The following DIAPH2 variants were observed in gnomAD, a reference collection of about 807,000 sequenced individuals.
The protein encoded by DIAPH2 is diaphanous related formin 2, also known as protein diaphanous homolog 2.
In DIAPH2, 35 loss-of-function variants were observed where a neutral mutation model predicts 92.7. The ratio of observed to expected loss-of-function variants is 0.38; its 90% CI spans 0.29 to 0.50. The LOEUF (loss-of-function observed/expected upper bound fraction) is 0.50. Ranked by LOEUF, DIAPH2 falls within the 20% of genes least tolerant of loss-of-function variation. DIAPH2 has a pLI of 0.94. For missense variants in DIAPH2, 701 were observed against 819.5 expected (o/e 0.86, Z 1.77); for synonymous variants, 301 against 280.4 (o/e 1.07, Z -0.73).
At chrX:97,594,481 C>T (rs921998870) in intron 26 of DIAPH2, among the ~76,000 whole-genome samples, 1 of 112,760 alleles carries the variant, frequency 8.9e-6, no homozygotes, top group Non-Finnish European at 1.9e-5. Context: ...ATCTTTCTCT[C>T]ATCAGTGCTT....
intron 26 of DIAPH2, among the ~76,000 whole-genome samples, chrX:97,432,959 A>G (rs1300040503): frequency 1.8e-5 from 2 of 112,011 alleles, no homozygotes; most frequent in Non-Finnish European, 3.8e-5. Context: ...TATGTAAACA[A>G]GATGAGGTGA....
At chrX:97,391,937 C>G (rs2069663702) in intron 25 of DIAPH2, among the ~76,000 whole-genome samples, 1 of 111,468 alleles carries the variant, frequency 9.0e-6, no homozygotes, top group African/African-American at 3.3e-5. Flanking sequence ...TAAAAAAATA[C>G]CATGTACCAA....
intron 17 of DIAPH2, among the ~76,000 whole-genome samples, chrX:97,021,756 A>C (rs1201836920): frequency 2.7e-5 from 3 of 112,033 alleles, no homozygotes; most frequent in Non-Finnish European, 3.8e-5. Flanking sequence ...ACATTTGATA[A>C]AGAAACACGC....
chrX:97,298,319 T>C (rs192475737), intron 23 of DIAPH2, among the ~76,000 whole-genome samples: 67 of 99,922 alleles, frequency 6.7e-4, no homozygotes, highest in African/African-American at 2.4e-3. Flanking sequence ...TAATGAGTAA[T>C]ATCAAGGAAC....
At chrX:97,364,131 G>A (rs767553785) in intron 24 of DIAPH2, among the ~76,000 whole-genome samples, 1 of 111,950 alleles carries the variant, frequency 8.9e-6, no homozygotes, top group East Asian at 2.8e-4. Context: ...AGCCTTTCTT[G>A]TACCTCTGAA....
At position 97,604,385 on chromosome X, in the gene DIAPH2, T is replaced by C. The variant is rs2071609589; in HGVS notation, c.*5068T>C. The C allele has an allele frequency of 8.9e-6, 1 of 112,050 alleles. No individual in the cohort carries two copies. The allele number at this position is 112,050 out of a possible 1,213,427, so 9.2% of individuals were successfully genotyped here. Reference sequence around the variant, plus strand: ...TCACAGGTTCCAGGGAGTAGGATATTGAATATCTTTTTTGGGGAGGGGGCA... The same window carrying C: ...TCACAGGTTCCAGGGAGTAGGATATCGAATATCTTTTTTGGGGAGGGGGCA... On this transcript the variant is annotated 3_prime_UTR_variant, in exon 27 of 27. Coordinates refer to ENST00000324765, the MANE Select transcript of DIAPH2 (RefSeq NM_006729.5).
At chrX:97,350,810 A>T (rs978618421) in intron 24 of DIAPH2, among the ~76,000 whole-genome samples, 1 of 112,180 alleles carries the variant, frequency 8.9e-6, no homozygotes, top group South Asian at 3.7e-4. Context: ...CATATGTAGG[A>T]TATGTTTTAT....
intron 17 of DIAPH2, among the ~76,000 whole-genome samples, chrX:97,032,546 A>G (rs965320226): frequency 1.2e-4 from 13 of 109,762 alleles, no homozygotes; most frequent in African/African-American, 4.3e-4. Flanking sequence ...AATAATAGCC[A>G]TTATCTGTAG....
At chrX:97,312,406 G>A (rs1264457125) in intron 23 of DIAPH2, among the ~76,000 whole-genome samples, 1 of 81,365 alleles carries the variant, frequency 1.2e-5, no homozygotes, top group East Asian at 4.2e-4. Context: ...CTGGAGTGCA[G>A]TGTCATGTTC....
At position 97,278,258 on chromosome X, in the gene DIAPH2, C is replaced by A. The variant is rs992735137; in HGVS notation, c.2844+30419C>A. The stretch of plus-strand genomic sequence containing the variant: ...ACAGAGTTCTTATATCCCTTCTCTA[C>A]CTTTCAGTTTCCCTATTATTAATAT... On this transcript the variant is annotated intron_variant, in intron 23 of 26. Transcript: ENST00000324765. Among the ~76,000 whole-genome samples the A allele has an allele frequency of 3.6e-5, 4 of 112,077 alleles. No homozygotes were observed. In the Admixed American group the frequency reaches 3.8e-4, roughly 11 times the overall value.
chrX:97,434,678 G>A (rs1388315406), intron 26 of DIAPH2, among the ~76,000 whole-genome samples: 1 of 111,013 alleles, frequency 9.0e-6, no homozygotes, highest in Admixed American at 9.6e-5. Flanking sequence ...CCAAAGTGCT[G>A]GGACTACAGG....
intron 22 of DIAPH2, among the ~76,000 whole-genome samples, chrX:97,225,537 C>T (rs748387335): frequency 1.8e-5 from 2 of 111,545 alleles, no homozygotes; most frequent in Non-Finnish European, 3.8e-5. Flanking sequence ...ATTGACCTTG[C>T]GTGATTTTCT....
intron 22 of DIAPH2, among the ~76,000 whole-genome samples, chrX:97,185,487 A>ATGTGTG (rs2067593442): frequency 6.4e-5 from 1 of 15,588 alleles, no homozygotes; most frequent in African/African-American, 1.8e-4. Flanking sequence ...ATATATATAT[A>ATGTGTG]TATATATATA....
chrX:97,553,635 T>C (rs1391210524), intron 26 of DIAPH2, among the ~76,000 whole-genome samples: 1 of 101,404 alleles, frequency 9.9e-6, no homozygotes, highest in Non-Finnish European at 2.0e-5. Flanking sequence ...GTTCTCTGGC[T>C]GGCTTTAAAA....
At position 97,497,053 on chromosome X, in the gene DIAPH2, T is replaced by C. The variant is rs1292923928; in HGVS notation, c.3241+67308T>C. Among the ~76,000 whole-genome samples, 5 of 111,005 alleles carry C rather than the reference T, an allele frequency of 4.5e-5. No individual in the cohort carries two copies. In the East Asian group the frequency reaches 1.4e-3, roughly 31 times the overall value. ...CAAGAAAACACTATCCTAATCAATGTTGACTTAACTGAATTCATTCAGATA... is the reference window on the plus strand; with the variant it reads ...CAAGAAAACACTATCCTAATCAATGCTGACTTAACTGAATTCATTCAGATA... On this transcript the variant is annotated intron_variant, in intron 26 of 26. Transcript: ENST00000324765.
intron 22 of DIAPH2, among the ~76,000 whole-genome samples, chrX:97,198,265 TACACACACACACAC>T (rs200339851): frequency 1.1e-4 from 10 of 89,030 alleles, no homozygotes; most frequent in Middle Eastern, 6.0e-3. Context: ...AACAACAAAA[TACACACACACACAC>T]ACACACACAC....
Position 97,274,210 on chromosome X carries a change from G to A in DIAPH2, c.2844+26371G>A, listed in dbSNP as rs142025636. Reference sequence around the variant, plus strand: ...CTCTGGATAAGTACAACTTGTTTTGGTTATAAGAAACATAACTAGCCAGGC... The same window carrying A: ...CTCTGGATAAGTACAACTTGTTTTGATTATAAGAAACATAACTAGCCAGGC... On this transcript the variant is annotated intron_variant, in intron 23 of 26. Coordinates refer to ENST00000324765, the MANE Select transcript of DIAPH2 (RefSeq NM_006729.5). 9.8e-3 allele frequency among the ~76,000 whole-genome samples: 1,088 copies of A among 110,898 alleles called. 9 individuals are homozygous for A. Among genetic ancestry groups the A allele is most frequent in the African/African-American group, 0.034 (1,039 of 30,495 alleles).
At chrX:96,751,312 C>G (rs1198650019) in intron 3 of DIAPH2, among the ~76,000 whole-genome samples, 1 of 110,544 alleles carries the variant, frequency 9.0e-6, no homozygotes, top group East Asian at 2.9e-4. Flanking sequence ...CGCGGTGGCT[C>G]AAGTCTGTAA....
chrX:97,586,134 C>G (rs2071478395), intron 26 of DIAPH2, among the ~76,000 whole-genome samples: 1 of 111,926 alleles, frequency 8.9e-6, no homozygotes, highest in African/African-American at 3.2e-5. Flanking sequence ...CTCTCTCACT[C>G]TTTTCAGGCC....
Sources: gnomAD v4.1 joint callset for allele counts (sites outside exome capture counted in the v4.1 genomes callset) on GRCh38, gnomAD v4.1.1 for gene constraint, MANE v1.5 for transcripts, NCBI Gene and HGNC (gene_info 2026-07-23, HGNC 2026-07-21) for gene names.